SPATA31C1: variants seen among roughly 807,000 people sequenced by gnomAD.
The protein encoded by SPATA31C1 is SPATA31 subfamily C member 1, also known as spermatogenesis-associated protein 31C1.
chr9:87,918,677 G>T (rs1828765308), intron 2 of SPATA31C1: 1 of 85,388 alleles, frequency 1.2e-5, no homozygotes, highest in African/African-American at 6.2e-5. Flanking sequence ...GCTCAGTGGT[G>T]CCTGCGGGCC....
chr9:87,919,221 C>T (rs1228799703), intron 2 of SPATA31C1, 34 bp from the exon 2 acceptor site: 5 of 1,402,418 alleles, frequency 3.6e-6, no homozygotes, highest in African/African-American at 2.0e-5. Context: ...GAGGGAGAGC[C>T]GGTCCTAGCT....
exon 5 of SPATA31C1, chr9:87,921,985 G>T (rs555751446): frequency 8.7e-6 from 14 of 1,613,348 alleles, no homozygotes; most frequent in Middle Eastern, 1.8e-4. Context: ...CAGCTTGCTG[G>T]TCCCTCCTCA....
chr9:87,919,101 T>A (rs1014135052), intron 2 of SPATA31C1, 154 bp from the exon 2 acceptor site: 2 of 1,223,866 alleles, frequency 1.6e-6, no homozygotes, highest in African/African-American at 1.5e-5. Context: ...AAAAGCAGTT[T>A]ATCATCCATT....
At chr9:87,919,305 G>A (rs758239462) in exon 3 of SPATA31C1, 1 of 1,433,924 alleles carries the variant, frequency 7.0e-7, no homozygotes, top group East Asian at 3.2e-5. Context: ...CAACAGGGCG[G>A]AGGGGGAGGC....
intron 2 of SPATA31C1, 46 bp from the exon 2 acceptor site, chr9:87,919,209 G>C (rs751661281): frequency 6.5e-7 from 1 of 1,548,164 alleles, no homozygotes; most frequent in Admixed American, 1.8e-5. Flanking sequence ...GCTGGGGGCA[G>C]AGAGGGAGAG....
exon 5 of SPATA31C1, chr9:87,921,303 C>T (rs199580678): frequency 7.3e-4 from 1,184 of 1,611,984 alleles, no homozygotes; most frequent in Non-Finnish European, 8.7e-4. Flanking sequence ...CATGGGGCAA[C>T]GTGGAAGGAT....
At chr9:87,918,977 C>T in intron 2 of SPATA31C1, 1 of 402,298 alleles carries the variant, frequency 2.5e-6, no homozygotes, top group Non-Finnish European at 4.9e-6. Context: ...TTCACCATGG[C>T]CAGGCTGGTC....
chr9:87,920,935 T>A (rs1307898632), exon 5 of SPATA31C1: 12 of 1,613,110 alleles, frequency 7.4e-6, no homozygotes, highest in Middle Eastern at 1.7e-4. Context: ...CAACCCTTTA[T>A]TTCATCCACA....
chr9:87,915,302 CGT>C (rs1246833665), intron 1 of SPATA31C1, among the ~76,000 whole-genome samples: 1 of 131,936 alleles, frequency 7.6e-6, no homozygotes, highest in African/African-American at 2.8e-5. Flanking sequence ...TGTGTGTGTG[CGT>C]GTGTGTTTGT....
chr9:87,916,877 G>A (rs1157546640), intron 1 of SPATA31C1, among the ~76,000 whole-genome samples: 1 of 72,962 alleles, frequency 1.4e-5, no homozygotes, highest in Non-Finnish European at 3.6e-5. Context: ...CATGCCTGTA[G>A]TCCCAGCTAC....
At chr9:87,922,341 G>A in exon 5 of SPATA31C1, 7 of 1,611,086 alleles carry the variant, frequency 4.3e-6, no homozygotes, top group Non-Finnish European at 5.1e-6. Context: ...ACAACCCACA[G>A]TCCCCTTGGG....
At chr9:87,915,662 T>C (rs1162955782) in intron 1 of SPATA31C1, among the ~76,000 whole-genome samples, 3 of 144,036 alleles carry the variant, frequency 2.1e-5, no homozygotes, top group African/African-American at 7.6e-5. Context: ...GTCTATGGTA[T>C]CTAACTGCTC....
At chr9:87,922,716 C>T in exon 5 of SPATA31C1, 1 of 1,607,172 alleles carries the variant, frequency 6.2e-7, no homozygotes. Flanking sequence ...TAACATGGGG[C>T]ACAAGGAGCC....
exon 5 of SPATA31C1, chr9:87,922,516 C>T: frequency 6.2e-7 from 1 of 1,610,822 alleles, no homozygotes; most frequent in Non-Finnish European, 8.5e-7. Flanking sequence ...CCTGGAATGG[C>T]CACGAAGTCA....
At chr9:87,918,678 C>A (rs952703593) in intron 2 of SPATA31C1, 1 of 85,148 alleles carries the variant, frequency 1.2e-5, no homozygotes, top group African/African-American at 6.2e-5. Context: ...CTCAGTGGTG[C>A]CTGCGGGCCT....
exon 5 of SPATA31C1, chr9:87,921,144 G>T (rs1828852971): frequency 6.2e-7 from 1 of 1,611,714 alleles, no homozygotes; most frequent in African/African-American, 1.3e-5. Context: ...GAAACAACTA[G>T]AAGGTGGGTT....
chr9:87,921,895 A>G (rs1828882690), exon 5 of SPATA31C1: 4 of 1,612,016 alleles, frequency 2.5e-6, no homozygotes, highest in African/African-American at 1.3e-5. Context: ...TGGGCCAAAC[A>G]CAGGTGGGGT....
chr9:87,920,891 G>C (rs750932237), exon 5 of SPATA31C1: 11 of 1,613,152 alleles, frequency 6.8e-6, no homozygotes, highest in Non-Finnish European at 9.3e-6. Context: ...TGCTTTTCCA[G>C]GCCCAGCCCC....
chr9:87,920,028 C>T, intron 4 of SPATA31C1, 52 bp downstream of exon 3: 1 of 1,608,452 alleles, frequency 6.2e-7, no homozygotes, highest in Non-Finnish European at 8.5e-7. Flanking sequence ...GGGACGTGAC[C>T]CCAGGGCCAC....
Sources: gnomAD v4.1 joint callset for allele counts (sites outside exome capture counted in the v4.1 genomes callset) on GRCh38, gnomAD v4.1.1 for gene constraint, MANE v1.5 for transcripts, NCBI Gene and HGNC (gene_info 2026-07-23, HGNC 2026-07-21) for gene names.